PCDH15: variants seen among roughly 807,000 people sequenced by gnomAD.
PCDH15 encodes the protein protocadherin related 15.
A neutral mutation model predicts 178.5 loss-of-function variants in PCDH15; 129 were observed. The ratio of observed to expected loss-of-function variants is 0.72; its 90% CI spans 0.63 to 0.84. The LOEUF is 0.84. Ranked by LOEUF, PCDH15 falls within the 40% of genes least tolerant of loss-of-function variation. PCDH15 has a pLI of 0.00. For synonymous variants in PCDH15, 800 were observed against 732.0 expected, an observed-to-expected ratio of 1.09 and a Z score of -1.50; for missense variants, 2,230 against 2,099.9, an observed-to-expected ratio of 1.06 and a Z score of -1.21.
chr10:53,889,999 T>G (rs2133464645), intron 26 of PCDH15, among the ~76,000 whole-genome samples: 1 of 152,362 alleles, frequency 6.6e-6, no homozygotes, highest in East Asian at 1.9e-4. Flanking sequence ...ATGCTCTGTT[T>G]CTTGACCTGG....
At chr10:54,676,752 T>A (rs2094797477) in intron 1 of PCDH15, among the ~76,000 whole-genome samples, 1 of 152,164 alleles carries the variant, frequency 6.6e-6, no homozygotes, top group Non-Finnish European at 1.5e-5. Context: ...ATCTTACGAT[T>A]CAGCAAGATA....
At chr10:55,525,042 C>T (rs1370477442) in intron 2 of PCDH15, among the ~76,000 whole-genome samples, 1 of 151,694 alleles carries the variant, frequency 6.6e-6, no homozygotes, top group Non-Finnish European at 1.5e-5. Flanking sequence ...TACTACACTC[C>T]ATTGCTTTAA....
At chr10:55,258,929 C>T (rs988078457) in intron 1 of PCDH15, among the ~76,000 whole-genome samples, 3 of 151,956 alleles carry the variant, frequency 2.0e-5, no homozygotes, top group Non-Finnish European at 4.4e-5. Flanking sequence ...AATGAGATGT[C>T]CCTCATTTGT....
intron 1 of PCDH15, among the ~76,000 whole-genome samples, chr10:54,742,507 G>A (rs1944938236): frequency 6.6e-6 from 1 of 151,980 alleles, no homozygotes; most frequent in African/African-American, 2.4e-5. Context: ...TTCTAATGTA[G>A]ATCGTTGAAT....
chr10:55,075,036 C>T (rs1419548373), intron 2 of PCDH15, among the ~76,000 whole-genome samples: 1 of 152,060 alleles, frequency 6.6e-6, no homozygotes, highest in Non-Finnish European at 1.5e-5. Context: ...GATGTGCGGT[C>T]TTACGTCTGA....
At chr10:54,605,468 C>T (rs1409964780) in intron 2 of PCDH15, among the ~76,000 whole-genome samples, 1 of 152,000 alleles carries the variant, frequency 6.6e-6, no homozygotes, top group Non-Finnish European at 1.5e-5. Flanking sequence ...CATCCAACTC[C>T]CTTCTGGCCT....
intron 1 of PCDH15, among the ~76,000 whole-genome samples, chr10:55,264,615 C>T (rs1018218250): frequency 2.6e-5 from 4 of 152,178 alleles, no homozygotes; most frequent in Admixed American, 2.0e-4. Flanking sequence ...AGGGACGCCT[C>T]TATTCCCTGT....
intron 3 of PCDH15, among the ~76,000 whole-genome samples, chr10:54,406,940 C>T (rs1227661804): frequency 6.6e-6 from 1 of 152,116 alleles, no homozygotes; most frequent in Non-Finnish European, 1.5e-5. Context: ...GATACCTCTA[C>T]ATTAATTATA....
At chr10:53,915,245 A>G (rs1055020415) in intron 25 of PCDH15, among the ~76,000 whole-genome samples, 1 of 152,206 alleles carries the variant, frequency 6.6e-6, no homozygotes, top group African/African-American at 2.4e-5. Flanking sequence ...TACTTACAAA[A>G]CATTTAGAAA....
chr10:54,336,755 C>T (rs914559892), intron 6 of PCDH15, among the ~76,000 whole-genome samples: 56 of 152,306 alleles, frequency 3.7e-4, no homozygotes, highest in African/African-American at 1.3e-3. Context: ...GTTGAAGTCC[C>T]CACAAAGAGT....
rs753030000 is a variant in PCDH15 at position 54,153,340 on chromosome 10, C to A, written c.1591-47G>T. On this transcript the variant is annotated intron_variant, in intron 13 of 37. Transcript: ENST00000644397. ...TAAATCCTCTTGGGTCTCAACTTTT[C>A]ACCACCATGTCGTTTTTTCCCCCAA... 5 of 1,601,796 alleles carry A rather than the reference C, an allele frequency of 3.1e-6. No individual in the cohort carries two copies. The South Asian group carries it at 4.4e-5, about 14-fold the overall frequency.
At chr10:54,899,446 G>A (rs1299208161) in intron 2 of PCDH15, among the ~76,000 whole-genome samples, 2 of 151,450 alleles carry the variant, frequency 1.3e-5, no homozygotes, top group African/African-American at 4.8e-5. Context: ...TCATGATCAT[G>A]ATTAAAGATA....
intron 2 of PCDH15, among the ~76,000 whole-genome samples, chr10:54,598,658 C>T (rs2134038709): frequency 6.6e-6 from 1 of 152,070 alleles, no homozygotes; most frequent in East Asian, 1.9e-4. Context: ...TAAAAGGCAT[C>T]CAAATAGGAG....
In PCDH15 at chr10:54,243,086, T is replaced by C. The variant is rs146117165; in HGVS notation, c.877-6155A>G. ...ACTATATAATTTAATACCTAAGTTA[T>C]TGAATTTATTATTTAGTACTTAATT... On this transcript the variant is annotated intron_variant, in intron 8 of 37. Coordinates refer to ENST00000644397, the MANE Select transcript of PCDH15 (RefSeq NM_001384140.1). 2.3e-3 allele frequency among the ~76,000 whole-genome samples: 346 copies of C among 152,332 alleles called. 1 individual carries two copies. The highest frequency in any genetic ancestry group is 7.5e-3 in the African/African-American group (312 of 41,580).
intron 3 of PCDH15, among the ~76,000 whole-genome samples, chr10:54,858,496 C>T (rs1336594067): frequency 4.6e-5 from 7 of 152,018 alleles, no homozygotes; most frequent in Non-Finnish European, 1.0e-4. Context: ...TTCAGTGAAT[C>T]GCAATCACAT....
At chr10:55,317,095 C>T (rs1843741050) in intron 1 of PCDH15, among the ~76,000 whole-genome samples, 1 of 152,140 alleles carries the variant, frequency 6.6e-6, no homozygotes, top group Admixed American at 6.5e-5. Flanking sequence ...CTCTACTGCA[C>T]ACTGGTTGGG....
chr10:54,603,902 C>T (rs2092643845), intron 2 of PCDH15, among the ~76,000 whole-genome samples: 1 of 151,990 alleles, frequency 6.6e-6, no homozygotes, highest in Admixed American at 6.6e-5. Context: ...CAATGGAAAA[C>T]AGATTGGGCC....
intron 2 of PCDH15, among the ~76,000 whole-genome samples, chr10:55,539,701 CTATT>C (rs1841713208): frequency 6.6e-6 from 1 of 151,986 alleles, no homozygotes; most frequent in South Asian, 2.1e-4. Context: ...TAAAGTTAAG[CTATT>C]TAGAGTTTTC....
Position 54,236,929 on chromosome 10 carries a change from T to C in PCDH15, c.879A>G (p.Glu293=). 1 of 1,612,012 alleles carries C rather than the reference T, an allele frequency of 6.2e-7. No individual in the cohort carries two copies. The highest frequency in any genetic ancestry group is 8.5e-7 in the Non-Finnish European group (1 of 1,178,206). ...GCGTAACAATAATGGGGTTCAGTTC[T>C]TCCTGAAAAAAAAATTAAGAGAGTT... ...QAAIPELRTP[E]ELNPIIVTPP... is the part of the protein sequence containing the mutation. Residue 293 remains glutamate (E), a splice_region_variant and synonymous_variant, in exon 9 of 38, where the codon GAA becomes GAG. Coordinates refer to ENST00000644397, the MANE Select transcript of PCDH15 (RefSeq NM_001384140.1).
Sources: allele counts gnomAD v4.1 joint callset (sites outside exome capture counted in the v4.1 genomes callset), GRCh38; gene constraint gnomAD v4.1.1; transcripts MANE v1.5; gene names NCBI Gene and HGNC (gene_info 2026-07-23, HGNC 2026-07-21).